The following PARD3B variants were observed in gnomAD, a reference collection of about 807,000 sequenced individuals.
PARD3B encodes the protein partitioning defective 3 homolog B.
PARD3B carries 103 observed loss-of-function variants against 130.2 expected under a neutral mutation model. The ratio of observed to expected loss-of-function variants is 0.79; its 90% CI spans 0.67 to 0.93. The LOEUF is 0.93. Among genes scored for constraint, PARD3B ranks in the 40% least tolerant of loss-of-function variants. The probability of loss-of-function intolerance (pLI) is 0.00; values close to 1 mark genes in which losing one functional copy is unlikely to be tolerated. For synonymous variants in PARD3B, 583 were observed against 553.2 expected, an observed-to-expected ratio of 1.05 and a Z score of -0.76; for missense variants, 1,609 against 1,499.2, an observed-to-expected ratio of 1.07 and a Z score of -1.21.
chr2:205,384,854 A>G (rs770599979), intron 18 of PARD3B, among the ~76,000 whole-genome samples: 1 of 152,108 alleles, frequency 6.6e-6, no homozygotes, highest in Admixed American at 6.6e-5. Flanking sequence ...AAGATCATCT[A>G]TAGAACTCCT....
chr2:205,240,078 C>T (rs2039283929), intron 15 of PARD3B, among the ~76,000 whole-genome samples: 1 of 152,004 alleles, frequency 6.6e-6, no homozygotes, highest in Admixed American at 6.6e-5. Context: ...CATTGACATA[C>T]GAAAACACTA....
chr2:205,193,264 C>T lies in PARD3B; in HGVS notation c.2084C>T (p.Thr695Ile), dbSNP rs756677375. The change falls in exon 15 of 23, where the codon ACA (threonine) becomes ATA (isoleucine). Residue 695 changes from threonine to isoleucine, a missense_variant. Transcript: ENST00000406610. ...PDQHINFRSV[T>I]PARQPESINL... is the part of the protein sequence containing the mutation. ...CAGCACATCAACTTCAGATCTGTGA[C>T]ACCGGCCAGGCAGCCTGAATCAATT... 1.2e-6 allele frequency: 2 copies of T among 1,613,824 alleles called. No individual in the cohort carries two copies. Among genetic ancestry groups the T allele is most frequent in the East Asian group, 2.2e-5 (1 of 44,866 alleles).
intron 2 of PARD3B, among the ~76,000 whole-genome samples, chr2:204,864,435 TA>T (rs1173999885): frequency 2.0e-5 from 3 of 152,194 alleles, no homozygotes; most frequent in African/African-American, 7.2e-5. Context: ...GACTTTTTTT[TA>T]TTGCTTGACC....
At chr2:205,173,720 T>A (rs903661118) in intron 12 of PARD3B, among the ~76,000 whole-genome samples, 1 of 152,208 alleles carries the variant, frequency 6.6e-6, no homozygotes, top group Non-Finnish European at 1.5e-5. Flanking sequence ...TTTTCAACAT[T>A]TGTGTCTGCT....
chr2:205,599,161 C>T (rs746582682), intron 22 of PARD3B, among the ~76,000 whole-genome samples: 4 of 152,030 alleles, frequency 2.6e-5, no homozygotes, highest in Non-Finnish European at 5.9e-5. Context: ...TTTCTTTCAA[C>T]AGAAAGTGAA....
rs969279264 is a variant in PARD3B at position 205,615,922 on chromosome 2, A to G, written c.*109A>G. 9.3e-6 allele frequency: 9 copies of G among 962,874 alleles called. No individual in the cohort carries two copies. The highest frequency in any genetic ancestry group is 1.3e-5 in the Non-Finnish European group (8 of 634,900). The allele number at this position is 962,874 out of a possible 1,614,324, so 59.6% of individuals were successfully genotyped here. A position where few individuals can be genotyped will look rare whatever the true frequency, so the allele number is the denominator to read the frequency against. ...GTGTTAGGAATTCTCCATGTTACTG[A>G]TAAGCTTTTTCTCACTGACATTGTA... On this transcript the variant is annotated 3_prime_UTR_variant, in exon 23 of 23. Transcript: ENST00000406610.
At chr2:205,486,849 G>A (rs191139456) in intron 20 of PARD3B, among the ~76,000 whole-genome samples, 8 of 152,052 alleles carry the variant, frequency 5.3e-5, no homozygotes, top group African/African-American at 1.7e-4. Context: ...GAGACAAACC[G>A]TACCACGAGT....
At chr2:205,523,565 C>A (rs1378193259) in intron 21 of PARD3B, among the ~76,000 whole-genome samples, 4 of 151,810 alleles carry the variant, frequency 2.6e-5, no homozygotes, top group Non-Finnish European at 2.9e-5. Context: ...AATAAATAAT[C>A]TTTTGAGTAC....
intron 2 of PARD3B, among the ~76,000 whole-genome samples, chr2:204,817,212 C>A (rs372438342): frequency 6.7e-6 from 1 of 150,308 alleles, no homozygotes; most frequent in South Asian, 2.1e-4. Context: ...TCCTTTATCT[C>A]TTTATTATGA....
In PARD3B at chr2:205,138,533, A is replaced by C. The variant is rs150017842; in HGVS notation, c.1434+12796A>C. On this transcript the variant is annotated intron_variant, in intron 10 of 22. Coordinates refer to ENST00000406610, the MANE Select transcript of PARD3B (RefSeq NM_001302769.2). ...CTAAATTTTAGTATTTAAATGCTGA[A>C]ATTATCAAAAAAGTAATTTGACAAT... 5.6e-3 allele frequency among the ~76,000 whole-genome samples: 849 copies of C among 152,332 alleles called. 7 individuals carry two copies. Among genetic ancestry groups the C allele is most frequent in the African/African-American group, 0.019 (794 of 41,572 alleles).
At chr2:204,593,150 G>A (rs115663058) in intron 1 of PARD3B, among the ~76,000 whole-genome samples, 5 of 93,456 alleles carry the variant, frequency 5.4e-5, no homozygotes, top group Non-Finnish European at 1.5e-4. Context: ...TAACATCTAT[G>A]TACGTTTCAT....
intron 22 of PARD3B, among the ~76,000 whole-genome samples, chr2:205,567,590 G>A (rs2053403384): frequency 6.6e-6 from 1 of 150,534 alleles, no homozygotes; most frequent in Non-Finnish European, 1.5e-5. Context: ...CCAAAGTGCT[G>A]GGATTACAGG....
chr2:204,603,230 T>G (rs1053895735), intron 1 of PARD3B, among the ~76,000 whole-genome samples: 1 of 152,182 alleles, frequency 6.6e-6, no homozygotes, highest in South Asian at 2.1e-4. Flanking sequence ...ACTCCTATTT[T>G]ATTAAATTTG....
intron 16 of PARD3B, among the ~76,000 whole-genome samples, chr2:205,257,880 T>A (rs62172745): frequency 0.035 from 5,311 of 152,258 alleles, 109 homozygotes; most frequent in Middle Eastern, 0.058. Context: ...GCAAAGAGTC[T>A]CTACCCAGAC....
chr2:204,964,168 C>T (rs956803724), intron 2 of PARD3B, among the ~76,000 whole-genome samples: 1 of 152,178 alleles, frequency 6.6e-6, no homozygotes, highest in Non-Finnish European at 1.5e-5. Flanking sequence ...CACATTTACA[C>T]ACATTGCACT....
chr2:205,008,709 T>C (rs925741727), intron 3 of PARD3B, among the ~76,000 whole-genome samples: 3 of 152,174 alleles, frequency 2.0e-5, no homozygotes, highest in African/African-American at 4.8e-5. Context: ...AGTAAATCAA[T>C]TAAAGACTTG....
intron 2 of PARD3B, among the ~76,000 whole-genome samples, chr2:204,792,999 T>G (rs1422704836): frequency 6.6e-6 from 1 of 152,152 alleles, no homozygotes; most frequent in East Asian, 1.9e-4. Flanking sequence ...TTAGATTTCT[T>G]TAGGCTGCTT....
intron 18 of PARD3B, among the ~76,000 whole-genome samples, chr2:205,305,439 C>T (rs1029374373): frequency 2.0e-5 from 3 of 152,156 alleles, no homozygotes; most frequent in African/African-American, 4.8e-5. Flanking sequence ...AATAGACATT[C>T]GTCCTGATGG....
chr2:205,264,829 A>G (rs2040443145), intron 16 of PARD3B, among the ~76,000 whole-genome samples: 1 of 151,110 alleles, frequency 6.6e-6, no homozygotes, highest in Non-Finnish European at 1.5e-5. Flanking sequence ...TTCAGAGATT[A>G]GTAGAAAATT....
Sources: allele counts gnomAD v4.1 joint callset (sites outside exome capture counted in the v4.1 genomes callset), GRCh38; gene constraint gnomAD v4.1.1; transcripts MANE v1.5; gene names NCBI Gene and HGNC (gene_info 2026-07-23, HGNC 2026-07-21).